Variants in FRMD4A observed in about 807,000 individuals in gnomAD.
The protein encoded by FRMD4A is FERM domain-containing protein 4A.
In FRMD4A, 29 loss-of-function variants were observed where a neutral mutation model predicts 129.1. The ratio of observed to expected loss-of-function variants is 0.22; its 90% confidence interval spans 0.17 to 0.31. The LOEUF is 0.31. FRMD4A is among the 10% of genes least tolerant of loss of function. The pLI is 1.00. For synonymous variants in FRMD4A, 634 were observed against 571.6 expected (o/e 1.11, Z -1.56); for missense variants, 1,272 against 1,375.8 (o/e 0.92, Z 1.19).
At chr10:13,712,686 G>A (rs756512792) in intron 12 of FRMD4A, among the ~76,000 whole-genome samples, 9 of 152,280 alleles carry the variant, frequency 5.9e-5, no homozygotes, top group African/African-American at 9.6e-5. Context: ...TAGACTTGCC[G>A]TGACTCCCAA....
chr10:14,259,888 T>C (rs1407480378), intron 2 of FRMD4A, among the ~76,000 whole-genome samples: 2 of 152,128 alleles, frequency 1.3e-5, no homozygotes, highest in African/African-American at 4.8e-5. Context: ...TTTCTCTCAC[T>C]TATGCCTCTA....
chr10:13,961,788 G>A (rs900723281), intron 2 of FRMD4A, among the ~76,000 whole-genome samples: 1 of 152,142 alleles, frequency 6.6e-6, no homozygotes, highest in Non-Finnish European at 1.5e-5. Flanking sequence ...ATGCTGCTGA[G>A]TAAATGATGT....
At chr10:13,848,610 G>GTGTA (rs1491204378) in intron 3 of FRMD4A, among the ~76,000 whole-genome samples, 3 of 32,826 alleles carry the variant, frequency 9.1e-5, no homozygotes, top group African/African-American at 3.2e-4. Context: ...GTGTGTGTAC[G>GTGTA]TGTGTGTGTG....
intron 2 of FRMD4A, chr10:14,087,732 T>C (rs1049937740): frequency 3.9e-5 from 6 of 152,210 alleles, no homozygotes; most frequent in Non-Finnish European, 7.3e-5. Flanking sequence ...AACATCTATT[T>C]CAGGTGATGT....
At chr10:14,301,904 G>C (rs2132091071) in intron 2 of FRMD4A, among the ~76,000 whole-genome samples, 1 of 152,252 alleles carries the variant, frequency 6.6e-6, no homozygotes, top group East Asian at 1.9e-4. Context: ...GTGCAGGTTG[G>C]AGGAATTCAG....
chr10:13,721,150 A>T (rs912615162), intron 12 of FRMD4A, among the ~76,000 whole-genome samples: 18 of 152,148 alleles, frequency 1.2e-4, no homozygotes, highest in African/African-American at 4.1e-4. Flanking sequence ...CCTAGTCTGG[A>T]TTAATCACAG....
Position 14,330,052 on chromosome 10 carries a change from A to G in FRMD4A, c.45+6T>C. ...CCCGGGCCCCACCTCCTGTCTGAACACTCACCATCAGCAGGCCGAGAGCTG... is the reference window on the plus strand; with the variant it reads ...CCCGGGCCCCACCTCCTGTCTGAACGCTCACCATCAGCAGGCCGAGAGCTG... On this transcript the variant is annotated splice_donor_region_variant and intron_variant, in intron 2 of 24. Transcript: ENST00000357447. 6.4e-7 allele frequency: 1 copy of G among 1,552,346 alleles called. No individual in the cohort carries two copies. The highest frequency in any genetic ancestry group is 8.7e-7 in the Non-Finnish European group (1 of 1,147,324).
rs540073281 is a variant in FRMD4A at position 13,934,051 on chromosome 10, G to T, written c.46-75139C>A. Among the ~76,000 whole-genome samples the T allele has an allele frequency of 2.6e-5, 4 of 152,318 alleles. No individual in the cohort carries two copies. In the South Asian group the frequency reaches 8.3e-4, roughly 32 times the overall value. On this transcript the variant is annotated intron_variant, in intron 2 of 24. Coordinates refer to ENST00000357447, the MANE Select transcript of FRMD4A (RefSeq NM_018027.5). ...AACCATTATGAATGGAGATCTAAAAGAAGTGATCAGAAAAGCACTACAGGA... is the reference window on the plus strand; with the variant it reads ...AACCATTATGAATGGAGATCTAAAATAAGTGATCAGAAAAGCACTACAGGA...
In FRMD4A at chr10:13,692,140, C is replaced by CTTTTTTTTTTTTTTTTT. The variant is rs747299123; in HGVS notation, c.1117+1741_1117+1757dup. The CTTTTTTTTTTTTTTTTT allele has an allele frequency of 2.0e-4, 20 of 100,470 alleles. 9 individuals carry two copies. The highest frequency in any genetic ancestry group is 4.7e-4 in the Admixed American group (4 of 8,600). The allele number at this position is 100,470 out of a possible 1,614,324, so 6.2% of individuals were successfully genotyped here. A position where few individuals can be genotyped will look rare whatever the true frequency, so the allele number is the denominator to read the frequency against. ...CTTGAAGCTTATAAAATTTTAGCAG[C>CTTTTTTTTTTTTTTTTT]TTTTTTTTTTTTTTTTTTTTTTTTT... is the stretch of plus-strand genomic sequence containing the variant. On this transcript the variant is annotated intron_variant, in intron 15 of 24. Transcript: ENST00000357447.
intron 11 of FRMD4A, among the ~76,000 whole-genome samples, chr10:13,738,821 A>G (rs191794458): frequency 2.0e-5 from 3 of 152,202 alleles, no homozygotes; most frequent in Admixed American, 2.0e-4. Context: ...GGATTTCACC[A>G]TGTTGGCCAG....
intron 2 of FRMD4A, among the ~76,000 whole-genome samples, chr10:14,199,448 G>A (rs935537733): frequency 1.3e-5 from 2 of 151,770 alleles, no homozygotes; most frequent in Non-Finnish European, 2.9e-5. Context: ...CCACCTCCCG[G>A]GCTCAATCTC....
chr10:13,704,863 G>T (rs1474013110), intron 13 of FRMD4A, among the ~76,000 whole-genome samples: 2 of 150,472 alleles, frequency 1.3e-5, no homozygotes, highest in East Asian at 2.0e-4. Flanking sequence ...TTGAGCTTGG[G>T]AATTTGAGAC....
intron 12 of FRMD4A, among the ~76,000 whole-genome samples, chr10:13,737,249 C>T (rs1200510826): frequency 6.6e-6 from 1 of 152,138 alleles, no homozygotes; most frequent in Admixed American, 6.5e-5. Context: ...ACCACCATGC[C>T]CAGCTAATTT....
At chr10:14,132,401 GA>G (rs2131829885) in intron 2 of FRMD4A, among the ~76,000 whole-genome samples, 1 of 152,308 alleles carries the variant, frequency 6.6e-6, no homozygotes, top group Admixed American at 6.5e-5. Context: ...AGTATTGAGG[GA>G]AAAAGAGGGC....
At chr10:13,887,928 G>A (rs532975663) in intron 2 of FRMD4A, among the ~76,000 whole-genome samples, 2 of 152,356 alleles carry the variant, frequency 1.3e-5, no homozygotes, top group East Asian at 3.9e-4. Flanking sequence ...AAGGGTGGCA[G>A]CTGATGGATT....
chr10:14,311,235 C>A (rs777304961), intron 2 of FRMD4A, among the ~76,000 whole-genome samples: 5 of 152,188 alleles, frequency 3.3e-5, no homozygotes, highest in Non-Finnish European at 7.3e-5. Flanking sequence ...CCCCCACCAT[C>A]GCAGTCCCTA....
At chr10:14,312,361 C>A (rs1340240956) in intron 2 of FRMD4A, among the ~76,000 whole-genome samples, 1 of 152,204 alleles carries the variant, frequency 6.6e-6, no homozygotes, top group African/African-American at 2.4e-5. Flanking sequence ...CTATTAGAAT[C>A]AGTTCTCATT....
chr10:14,165,521 C>T (rs1388173990), intron 2 of FRMD4A, among the ~76,000 whole-genome samples: 3 of 152,110 alleles, frequency 2.0e-5, no homozygotes, highest in African/African-American at 7.2e-5. Context: ...AGCATATACC[C>T]AAAGGAAAAG....
chr10:14,223,216 G>T (rs573468066), intron 2 of FRMD4A, among the ~76,000 whole-genome samples: 57 of 152,328 alleles, frequency 3.7e-4, no homozygotes, highest in African/African-American at 1.3e-3. Context: ...AGGCACAACT[G>T]CTAGGCAAAG....
Sources: allele counts gnomAD v4.1 joint callset (sites outside exome capture counted in the v4.1 genomes callset), GRCh38; gene constraint gnomAD v4.1.1; transcripts MANE v1.5; gene names NCBI Gene and HGNC (gene_info 2026-07-23, HGNC 2026-07-21).